Variants in ASPH observed in about 807,000 individuals in gnomAD.
ASPH encodes the protein aspartate beta-hydroxylase.
ASPH carries 100 observed loss-of-function variants against 118.4 expected under a neutral mutation model. The observed-to-expected ratio is 0.84, with a 90% CI of 0.72 to 1.00. The LOEUF is 1.00. ASPH is among the 50% of genes least tolerant of loss of function. The pLI is 0.00. For missense variants in ASPH, 920 were observed against 919.5 expected, an observed-to-expected ratio of 1.00 and a Z score of -0.01; for synonymous variants, 315 against 325.6, an observed-to-expected ratio of 0.97 and a Z score of 0.35.
intron 12 of ASPH, among the ~76,000 whole-genome samples, chr8:61,637,404 A>AAT (rs1415380933): frequency 1.3e-5 from 2 of 152,186 alleles, no homozygotes; most frequent in African/African-American, 4.8e-5. Context: ...CAACTGAAAT[A>AAT]ATATATGTGA....
At chr8:61,673,967 CCA>C (rs1428561556) in intron 3 of ASPH, among the ~76,000 whole-genome samples, 3 of 152,036 alleles carry the variant, frequency 2.0e-5, no homozygotes, top group Non-Finnish European at 4.4e-5. Flanking sequence ...AATTTTTATC[CCA>C]CATTCTTGTT....
In ASPH at chr8:61,500,879, G is replaced by T. The variant is rs946776945; in HGVS notation, c.*2480C>A. The T allele has an allele frequency of 6.6e-6, 1 of 152,078 alleles. No individual in the cohort carries two copies. The highest frequency in any genetic ancestry group is 1.5e-5 in the Non-Finnish European group (1 of 68,004). The allele number at this position is 152,078 out of a possible 1,614,324, so 9.4% of individuals were successfully genotyped here. ...TGTTAGCTAAATAATTCAAGGGAAA[G>T]AGATTATTCAACTGGTCATAATCAC... is the stretch of plus-strand genomic sequence containing the variant. On this transcript the variant is annotated 3_prime_UTR_variant, in exon 25 of 25. Coordinates refer to ENST00000379454, the MANE Select transcript of ASPH (RefSeq NM_004318.4).
chr8:61,545,841 C>G (rs1823642050), intron 21 of ASPH, among the ~76,000 whole-genome samples: 1 of 152,184 alleles, frequency 6.6e-6, no homozygotes, highest in Non-Finnish European at 1.5e-5. Context: ...TAAGAATAAT[C>G]TCATATCCCC....
At chr8:61,552,311 T>G (rs1165895125) in intron 20 of ASPH, among the ~76,000 whole-genome samples, 1 of 152,216 alleles carries the variant, frequency 6.6e-6, no homozygotes, top group African/African-American at 2.4e-5. Context: ...GTTTTGAAAT[T>G]TATAGCATGC....
intron 3 of ASPH, chr8:61,664,682 A>G: frequency 1.0e-6 from 1 of 985,518 alleles, no homozygotes; most frequent in Non-Finnish European, 1.2e-6. Context: ...AAGAGGGAAA[A>G]GGGGAAGGAG....
At chr8:61,662,652 G>C (rs1486600897) in intron 3 of ASPH, among the ~76,000 whole-genome samples, 1 of 152,040 alleles carries the variant, frequency 6.6e-6, no homozygotes, top group Admixed American at 6.6e-5. Context: ...AAAGTTAGTT[G>C]AAACATTTAC....
At chr8:61,662,971 A>G in intron 3 of ASPH, 1 of 985,434 alleles carries the variant, frequency 1.0e-6, no homozygotes, top group Non-Finnish European at 1.2e-6. Flanking sequence ...TAAGGTAAAA[A>G]TTACCAGAAT....
At chr8:61,623,274 G>A (rs1361490287) in intron 13 of ASPH, among the ~76,000 whole-genome samples, 1 of 152,206 alleles carries the variant, frequency 6.6e-6, no homozygotes, top group African/African-American at 2.4e-5. Context: ...TCTCAAGGTA[G>A]TTTTGATTTG....
At chr8:61,710,958 T>C (rs1242160629) in intron 1 of ASPH, among the ~76,000 whole-genome samples, 1 of 152,194 alleles carries the variant, frequency 6.6e-6, no homozygotes, top group Non-Finnish European at 1.5e-5. Context: ...ATATATTTCA[T>C]TCTAATTAAG....
intron 20 of ASPH, among the ~76,000 whole-genome samples, chr8:61,548,856 T>C (rs1346723085): frequency 6.6e-6 from 1 of 152,190 alleles, no homozygotes. Context: ...GGATAACATG[T>C]GTGGCTTTAG....
intron 15 of ASPH, 55 bp downstream of exon 15, chr8:61,583,889 G>T: frequency 1.2e-5 from 14 of 1,152,164 alleles, no homozygotes; most frequent in Non-Finnish European, 1.5e-5. Flanking sequence ...CAAATCAAGA[G>T]TAATGCCTGA....
At chr8:61,594,994 G>T (rs983542963) in intron 14 of ASPH, among the ~76,000 whole-genome samples, 2 of 152,032 alleles carry the variant, frequency 1.3e-5, no homozygotes, top group South Asian at 2.1e-4. Flanking sequence ...ATATTGACTG[G>T]TTTTCACTAT....
intron 18 of ASPH, among the ~76,000 whole-genome samples, chr8:61,562,060 A>G (rs1164112721): frequency 2.0e-5 from 3 of 152,158 alleles, no homozygotes; most frequent in Non-Finnish European, 4.4e-5. Flanking sequence ...ACAAGTAAAC[A>G]TGTTCATCTT....
In ASPH at chr8:61,592,223, A is replaced by G. The variant is rs568617975; in HGVS notation, c.977-8194T>C. 2.1e-3 allele frequency among the ~76,000 whole-genome samples: 316 copies of G among 152,372 alleles called. 2 individuals are homozygous for G. Among genetic ancestry groups the G allele is most frequent in the African/African-American group, 7.1e-3 (297 of 41,594 alleles). ...TCATGGAGCATAAAACCTCATATAA[A>G]TGTTAATTATGACTTTCATCTACAG... On this transcript the variant is annotated intron_variant, in intron 14 of 24. Transcript: ENST00000379454.
chr8:61,659,027 A>G (rs1166313348), intron 3 of ASPH: 2 of 152,492 alleles, frequency 1.3e-5, no homozygotes, highest in Admixed American at 1.3e-4. Flanking sequence ...AGGGTCAGAG[A>G]TGTCTGAGTG....
chr8:61,526,817 C>G (rs926143141), intron 21 of ASPH, among the ~76,000 whole-genome samples: 1 of 151,990 alleles, frequency 6.6e-6, no homozygotes, highest in Non-Finnish European at 1.5e-5. Context: ...TCTGCACCAT[C>G]ACACTGGGTG....
At chr8:61,679,547 G>A (rs984504167) in intron 3 of ASPH, among the ~76,000 whole-genome samples, 1 of 151,780 alleles carries the variant, frequency 6.6e-6, no homozygotes, top group African/African-American at 2.4e-5. Context: ...CCACATAGCT[G>A]GTTTTAAGCA....
At chr8:61,546,362 G>A (rs1013768843) in intron 21 of ASPH, among the ~76,000 whole-genome samples, 1 of 152,148 alleles carries the variant, frequency 6.6e-6, no homozygotes, top group South Asian at 2.1e-4. Context: ...GTACAGTAGA[G>A]AAATGAACTC....
In ASPH at chr8:61,579,408, G is replaced by T. The variant is rs560309299; in HGVS notation, c.1063-2550C>A. The T allele has an allele frequency of 1.9e-6, 3 of 1,613,514 alleles. No homozygotes were observed. In the East Asian group the frequency reaches 6.7e-5, roughly 36 times the overall value. ...CGCCACCTACAGGAAGCTGCTGGAGGGCAAAGAGAGCCGGCTGAAGTCTGG... is the reference window on the plus strand; with the variant it reads ...CGCCACCTACAGGAAGCTGCTGGAGTGCAAAGAGAGCCGGCTGAAGTCTGG... On this transcript the variant is annotated intron_variant, in intron 15 of 24. Coordinates refer to ENST00000379454, the MANE Select transcript of ASPH (RefSeq NM_004318.4).
Sources: allele counts gnomAD v4.1 joint callset (sites outside exome capture counted in the v4.1 genomes callset), GRCh38; gene constraint gnomAD v4.1.1; transcripts MANE v1.5; gene names NCBI Gene and HGNC (gene_info 2026-07-23, HGNC 2026-07-21).